GOLPH3: variants seen among roughly 807,000 people sequenced by gnomAD.
The protein encoded by GOLPH3 is coat protein GPP34.
A neutral mutation model predicts 28.5 loss-of-function variants in GOLPH3; 14 were observed. That is an observed-to-expected ratio of 0.49 (90% CI 0.32 to 0.77). The LOEUF (loss-of-function observed/expected upper bound fraction) is 0.77, where lower values mean the gene tolerates loss of function less well. Ranked by LOEUF, GOLPH3 falls within the 30% of genes least tolerant of loss-of-function variation. The pLI is 0.03. For synonymous variants in GOLPH3, 158 were observed against 159.2 expected (o/e 0.99, Z 0.06); for missense variants, 350 against 393.7 (o/e 0.89, Z 0.94).
rs112827442 is a variant in GOLPH3 at position 32,162,416 on chromosome 5, C to T, written c.225+11394G>A. On this transcript the variant is annotated intron_variant, in intron 1 of 3. Coordinates refer to ENST00000265070, the MANE Select transcript of GOLPH3 (RefSeq NM_022130.4). Reference sequence around the variant, plus strand: ...CTGAGGCAGGAGAATGGCATGAACCCGGGAGGCGGAGCTTGCGGTGAGCAG... The same window carrying T: ...CTGAGGCAGGAGAATGGCATGAACCTGGGAGGCGGAGCTTGCGGTGAGCAG... 1.0e-3 allele frequency among the ~76,000 whole-genome samples: 151 copies of T among 145,348 alleles called. 1 individual carries two copies. Among genetic ancestry groups the T allele is most frequent in the African/African-American group, 3.8e-3 (136 of 35,566 alleles).
chr5:32,150,471 T>C (rs535634018), intron 1 of GOLPH3, among the ~76,000 whole-genome samples: 58 of 146,944 alleles, frequency 3.9e-4, no homozygotes, highest in African/African-American at 1.4e-3. Flanking sequence ...GCAACATATG[T>C]AGGGAACAGA....
At chr5:32,158,090 C>CT (rs1746481423) in intron 1 of GOLPH3, among the ~76,000 whole-genome samples, 1 of 95,810 alleles carries the variant, frequency 1.0e-5, no homozygotes, top group African/African-American at 5.2e-5. Flanking sequence ...AACTCTGTCT[C>CT]AAAATAAATA....
chr5:32,174,224 G>A lies in GOLPH3; in HGVS notation c.-190C>T. On this transcript the variant is annotated 5_prime_UTR_variant, in exon 1 of 4. Coordinates refer to ENST00000265070, the MANE Select transcript of GOLPH3 (RefSeq NM_022130.4). ...GGGCGAAGCGGGCTGGCCGGGCGTC[G>A]GCGGGGCAGGAGAGGAGCGCCTTCC... 1 of 378,914 alleles carries A rather than the reference G, an allele frequency of 2.6e-6. No individual in the cohort carries two copies. Among genetic ancestry groups the A allele is most frequent in the Non-Finnish European group, 4.6e-6 (1 of 215,444 alleles). 23.5% of individuals were successfully genotyped at this position (378,914 alleles called of 1,614,324 possible). A position where few individuals can be genotyped will look rare whatever the true frequency, so the allele number is the denominator to read the frequency against.
In GOLPH3 at chr5:32,161,549, C is replaced by T. The variant is rs149029202; in HGVS notation, c.225+12261G>A. ...TTTGGAGCATCAAGGCGTAATGAAA[C>T]TTAATATTTATTGTGCACCAACTAT... is the stretch of plus-strand genomic sequence containing the variant. On this transcript the variant is annotated intron_variant, in intron 1 of 3. Coordinates refer to ENST00000265070, the MANE Select transcript of GOLPH3 (RefSeq NM_022130.4). 2.5e-3 allele frequency among the ~76,000 whole-genome samples: 377 copies of T among 151,112 alleles called. 23 individuals carry two copies. Among genetic ancestry groups the T allele is most frequent in the African/African-American group, 9.0e-3 (365 of 40,586 alleles).
At chr5:32,163,676 AT>A (rs1224910077) in intron 1 of GOLPH3, among the ~76,000 whole-genome samples, 1,941 of 89,900 alleles carry the variant, frequency 0.022, 29 homozygotes, top group African/African-American at 0.047. Context: ...ATATATATAT[AT>A]TTTTTTTCTT....
chr5:32,159,538 AAAAC>A (rs1291074075), intron 1 of GOLPH3, among the ~76,000 whole-genome samples: 1 of 152,222 alleles, frequency 6.6e-6, no homozygotes, highest in Non-Finnish European at 1.5e-5. Context: ...CAGAGAGCAC[AAAAC>A]AAAGTGTGAG....
intron 1 of GOLPH3, among the ~76,000 whole-genome samples, chr5:32,160,333 C>G (rs1475025223): frequency 6.6e-6 from 1 of 152,178 alleles, no homozygotes; most frequent in Non-Finnish European, 1.5e-5. Flanking sequence ...CTATCTTGGT[C>G]TCCCAAAGTG....
intron 1 of GOLPH3, among the ~76,000 whole-genome samples, chr5:32,168,401 A>C (rs933900508): frequency 6.6e-6 from 1 of 152,240 alleles, no homozygotes; most frequent in African/African-American, 2.4e-5. Context: ...ATTTTGGTTA[A>C]TCTTAAGTAT....
chr5:32,162,064 A>T (rs1325138880), intron 1 of GOLPH3, among the ~76,000 whole-genome samples: 1 of 151,230 alleles, frequency 6.6e-6, no homozygotes, highest in Non-Finnish European at 1.5e-5. Flanking sequence ...TAAAAAAATA[A>T]AAATCAGAAG....
chr5:32,172,556 A>C (rs1746862576), intron 1 of GOLPH3, among the ~76,000 whole-genome samples: 1 of 152,120 alleles, frequency 6.6e-6, no homozygotes. Context: ...TTAGCTGGGC[A>C]TGGCGGCGCA....
chr5:32,125,778 G>C lies in GOLPH3; in HGVS notation c.*434C>G, dbSNP rs1045397147. 2.5e-5 allele frequency: 4 copies of C among 158,312 alleles called. No individual in the cohort carries two copies. Among genetic ancestry groups the C allele is most frequent in the African/African-American group, 9.6e-5 (4 of 41,588 alleles). The allele number at this position is 158,312 out of a possible 1,614,324, so 9.8% of individuals were successfully genotyped here. On this transcript the variant is annotated 3_prime_UTR_variant, in exon 4 of 4. Transcript: ENST00000265070. ...AGTCTATGTAAAAAATGTCCTAATA[G>C]ATACAGATATTTACCTTTGGTGAGT...
intron 1 of GOLPH3, among the ~76,000 whole-genome samples, chr5:32,167,205 CTT>C (rs528289230): frequency 5.3e-4 from 80 of 152,268 alleles, no homozygotes; most frequent in East Asian, 2.5e-3. Context: ...GAGTTCCACT[CTT>C]GTCGCCCAGG....
chr5:32,142,058 G>C (rs1397228073), intron 2 of GOLPH3, among the ~76,000 whole-genome samples: 1 of 152,056 alleles, frequency 6.6e-6, no homozygotes, highest in Non-Finnish European at 1.5e-5. Flanking sequence ...TCTCCGCCTG[G>C]CTGCCCATCG....
chr5:32,144,739 A>C (rs960048926), intron 1 of GOLPH3, among the ~76,000 whole-genome samples: 1 of 152,226 alleles, frequency 6.6e-6, no homozygotes, highest in African/African-American at 2.4e-5. Context: ...GGCAGCATCC[A>C]CAGTGGAAGA....
Position 32,126,141 on chromosome 5 carries a change from A to T in GOLPH3, c.*71T>A. 1 of 1,451,518 alleles carries T rather than the reference A, an allele frequency of 6.9e-7. No homozygotes were observed. Among genetic ancestry groups the T allele is most frequent in the Non-Finnish European group, 9.3e-7 (1 of 1,070,386 alleles). 89.9% of individuals were successfully genotyped at this position (1,451,518 alleles called of 1,614,324 possible). On this transcript the variant is annotated 3_prime_UTR_variant, in exon 4 of 4. Coordinates refer to ENST00000265070, the MANE Select transcript of GOLPH3 (RefSeq NM_022130.4). ...GTGTGGGAAAGTACAAATTACAGAA[A>T]ACCAGAAGTCAACAGAAGAAAAACT...
At chr5:32,127,071 C>A (rs571579089) in intron 3 of GOLPH3, among the ~76,000 whole-genome samples, 3 of 152,168 alleles carry the variant, frequency 2.0e-5, no homozygotes, top group Non-Finnish European at 4.4e-5. Flanking sequence ...ACATATACAG[C>A]CTATAGAGGT....
chr5:32,159,799 A>T (rs1746535236), intron 1 of GOLPH3, among the ~76,000 whole-genome samples: 2 of 152,298 alleles, frequency 1.3e-5, no homozygotes, highest in South Asian at 4.1e-4. Context: ...GAAAAATCTG[A>T]GGTTTAGAGA....
At chr5:32,140,697 G>C (rs980411570) in intron 2 of GOLPH3, among the ~76,000 whole-genome samples, 2 of 151,064 alleles carry the variant, frequency 1.3e-5, no homozygotes, top group Non-Finnish European at 2.9e-5. Flanking sequence ...CAGACATGGT[G>C]GCATATACCT....
chr5:32,126,877 C>T (rs929559500), intron 3 of GOLPH3, among the ~76,000 whole-genome samples: 2 of 152,168 alleles, frequency 1.3e-5, no homozygotes, highest in Non-Finnish European at 2.9e-5. Flanking sequence ...AAGCAGTCTT[C>T]AGACCAGAGT....
Sources: gnomAD v4.1 joint callset for allele counts (sites outside exome capture counted in the v4.1 genomes callset) on GRCh38, gnomAD v4.1.1 for gene constraint, MANE v1.5 for transcripts, NCBI Gene and HGNC (gene_info 2026-07-23, HGNC 2026-07-21) for gene names.